The following PTPRC variants were observed in gnomAD, a reference collection of about 807,000 sequenced individuals.
PTPRC encodes the protein receptor-type tyrosine-protein phosphatase C.
In PTPRC, 44 loss-of-function variants were observed where a neutral mutation model predicts 155.9. The ratio of observed to expected loss-of-function variants is 0.28; its 90% confidence interval spans 0.22 to 0.36. The LOEUF (loss-of-function observed/expected upper bound fraction) is 0.36. Ranked by LOEUF, PTPRC falls within the 10% of genes least tolerant of loss-of-function variation. PTPRC has a pLI of 1.00. For missense variants in PTPRC, 1,401 were observed against 1,564.6 expected (o/e 0.90, Z 1.76); for synonymous variants, 525 against 533.1 (o/e 0.98, Z 0.21).
At chr1:198,728,597 C>T in intron 16 of PTPRC, 149 bp downstream of exon 16, 5 of 910,104 alleles carry the variant, frequency 5.5e-6, no homozygotes, top group Non-Finnish European at 6.3e-6. Flanking sequence ...AACTTTTAAT[C>T]AAAAACTTTT....
At position 198,732,585 on chromosome 1, in the gene PTPRC, C is replaced by T. The variant is rs758928886; in HGVS notation, c.2142+29C>T. ...AGTAAAAATTTGCATTTTTCTTATACCTACATATTTCATTCAGCTCCTTGT... is the reference window on the plus strand; with the variant it reads ...AGTAAAAATTTGCATTTTTCTTATATCTACATATTTCATTCAGCTCCTTGT... On this transcript the variant is annotated intron_variant, in intron 20 of 32. Transcript: ENST00000442510. 6.0e-6 allele frequency: 9 copies of T among 1,498,758 alleles called. No homozygotes were observed. The South Asian group carries it at 6.9e-5, about 11-fold the overall frequency. 92.8% of individuals were successfully genotyped at this position (1,498,758 alleles called of 1,614,324 possible). A position where few individuals can be genotyped will look rare whatever the true frequency, so the allele number is the denominator to read the frequency against.
intron 2 of PTPRC, among the ~76,000 whole-genome samples, chr1:198,666,383 C>A (rs1426203903): frequency 6.6e-6 from 1 of 151,742 alleles, no homozygotes; most frequent in African/African-American, 2.4e-5. Flanking sequence ...AAGGTAGGAA[C>A]AATGAAAAGA....
rs745981188 is a variant in PTPRC at position 198,742,387 on chromosome 1, G to C, written c.2697+20G>C. On this transcript the variant is annotated intron_variant, in intron 25 of 32. Transcript: ENST00000442510. ...GTAGAGGTATGTTCTAACCTTTAGT[G>C]ATTATTCTCACTTTGGTTTTTTGGA... 4 of 1,611,178 alleles carry C rather than the reference G, an allele frequency of 2.5e-6. No individual in the cohort carries two copies. The highest frequency in any genetic ancestry group is 8.5e-7 in the Non-Finnish European group (1 of 1,178,136).
intron 6 of PTPRC, 135 bp downstream of exon 6, chr1:198,702,665 C>A: frequency 8.4e-7 from 1 of 1,195,236 alleles, no homozygotes; most frequent in Non-Finnish European, 1.2e-6. Context: ...CACGTATCAA[C>A]ACCAAATTAT....
rs774228696 is a variant in PTPRC, at chr1:198,755,900, T to C, written c.3646-6T>C. On this transcript the variant is annotated splice_region_variant and splice_polypyrimidine_tract_variant and intron_variant, in intron 32 of 32. Transcript: ENST00000442510. ...CATGTAATTTCCCACTTAATTCCTT[T>C]ACTAGGAGCAATATCAATTCCTATA... 6.2e-7 allele frequency: 1 copy of C among 1,606,478 alleles called. No homozygotes were observed. Among genetic ancestry groups the C allele is most frequent in the South Asian group, 1.1e-5 (1 of 90,744 alleles).
intron 15 of PTPRC, among the ~76,000 whole-genome samples, chr1:198,725,022 G>C (rs1654067173): frequency 6.6e-6 from 1 of 152,008 alleles, no homozygotes; most frequent in African/African-American, 2.4e-5. Flanking sequence ...GGCTAGTCTT[G>C]AACTCTTGAT....
At chr1:198,736,720 G>C (rs562214140) in intron 23 of PTPRC, among the ~76,000 whole-genome samples, 1 of 151,624 alleles carries the variant, frequency 6.6e-6, no homozygotes, top group Non-Finnish European at 1.5e-5. Context: ...GGGATTGCTG[G>C]ATCATATGGT....
At chr1:198,743,067 CAAAAA>C (rs10628640) in intron 25 of PTPRC, among the ~76,000 whole-genome samples, 10 of 75,952 alleles carry the variant, frequency 1.3e-4, no homozygotes, top group Non-Finnish European at 1.8e-4. Flanking sequence ...GTCAAAATAG[CAAAAA>C]AAAAAAAAAA....
chr1:198,686,068 G>T (rs557909325), intron 2 of PTPRC, among the ~76,000 whole-genome samples: 1 of 152,090 alleles, frequency 6.6e-6, no homozygotes, highest in South Asian at 2.1e-4. Flanking sequence ...TCTGATCAGG[G>T]ACTTAGGGGT....
intron 2 of PTPRC, among the ~76,000 whole-genome samples, chr1:198,648,855 C>T (rs559342535): frequency 6.3e-4 from 96 of 151,680 alleles, no homozygotes; most frequent in Non-Finnish European, 1.2e-3. Context: ...TTTCCCCCAC[C>T]CAACTCATTT....
intron 31 of PTPRC, 144 bp from the exon 32 acceptor site, chr1:198,754,125 A>G: frequency 2.0e-6 from 2 of 979,788 alleles, no homozygotes; most frequent in South Asian, 3.4e-5. Flanking sequence ...AGCGTAAATA[A>G]TTTGGTTCTT....
intron 8 of PTPRC, among the ~76,000 whole-genome samples, chr1:198,705,571 C>T (rs1652914430): frequency 6.6e-6 from 1 of 151,916 alleles, no homozygotes; most frequent in African/African-American, 2.4e-5. Context: ...TAGGCACATG[C>T]CACCGAGCCC....
intron 13 of PTPRC, 33 bp from the exon 14 acceptor site, chr1:198,718,061 T>C (rs1571866148): frequency 1.1e-5 from 16 of 1,511,062 alleles, no homozygotes; most frequent in Non-Finnish European, 1.5e-5. Context: ...ATCTATTAAA[T>C]TATTAATAAC....
chr1:198,736,473 CG>C (rs1654643759), intron 23 of PTPRC, among the ~76,000 whole-genome samples: 1 of 151,548 alleles, frequency 6.6e-6, no homozygotes, highest in Admixed American at 6.6e-5. Context: ...TTTCACTTAA[CG>C]TAAGTCCTCC....
chr1:198,707,262 A>G (rs1653033640), intron 9 of PTPRC, among the ~76,000 whole-genome samples: 1 of 152,218 alleles, frequency 6.6e-6, no homozygotes, highest in Non-Finnish European at 1.5e-5. Context: ...CTCTACTTAA[A>G]TGAAGTATTA....
chr1:198,665,284 A>T (rs1460000999), intron 2 of PTPRC, among the ~76,000 whole-genome samples: 4 of 148,168 alleles, frequency 2.7e-5, no homozygotes, highest in Non-Finnish European at 4.5e-5. Flanking sequence ...TTGTATTCTT[A>T]GTAGAGACGG....
intron 22 of PTPRC, 52 bp downstream of exon 22, chr1:198,734,477 T>A (rs779611402): frequency 6.6e-7 from 1 of 1,514,750 alleles, no homozygotes; most frequent in Non-Finnish European, 9.2e-7. Context: ...GAAAACAAGG[T>A]GTTGAATGGC....
At chr1:198,688,936 T>C (rs1025931865) in intron 2 of PTPRC, among the ~76,000 whole-genome samples, 1 of 152,178 alleles carries the variant, frequency 6.6e-6, no homozygotes, top group African/African-American at 2.4e-5. Context: ...GCCAAGACAC[T>C]TGACTTTTCT....
At chr1:198,744,301 A>T (rs762322984) in intron 26 of PTPRC, 98 bp downstream of exon 26, 160 of 1,245,328 alleles carry the variant, frequency 1.3e-4, no homozygotes, top group Non-Finnish European at 1.6e-4. Context: ...TAGTGCTTGC[A>T]TTTAGTCTTC....
Sources: gnomAD v4.1 joint callset for allele counts (sites outside exome capture counted in the v4.1 genomes callset) on GRCh38, gnomAD v4.1.1 for gene constraint, MANE v1.5 for transcripts, NCBI Gene and HGNC (gene_info 2026-07-23, HGNC 2026-07-21) for gene names.